Variants in ENTREP1 observed in about 807,000 individuals in gnomAD.
ENTREP1 encodes the protein Friedreich ataxia region gene X123.
chr9:69,356,501 TG>T, the ENTREP1 span, among the ~76,000 whole-genome samples: 4 of 152,110 alleles, frequency 2.6e-5, no homozygotes, highest in African/African-American at 9.7e-5. Flanking sequence ...AGTCATGATC[TG>T]ATTCTTTAAC....
At chr9:69,338,872 C>T in the ENTREP1 span, among the ~76,000 whole-genome samples, 1 of 152,012 alleles carries the variant, frequency 6.6e-6, no homozygotes, top group African/African-American at 2.4e-5. Flanking sequence ...CTTAGAAGGT[C>T]GCATAGAGAT....
chr9:69,371,363 C>A, the ENTREP1 span: 2 of 779,932 alleles, frequency 2.6e-6, no homozygotes, highest in Non-Finnish European at 4.6e-6. Flanking sequence ...AAAGTTTGTA[C>A]ATTGAAAACA....
At chr9:69,350,234 T>C in the ENTREP1 span, among the ~76,000 whole-genome samples, 3 of 152,232 alleles carry the variant, frequency 2.0e-5, no homozygotes, top group Non-Finnish European at 4.4e-5. Context: ...TCTTTCATTT[T>C]TTTGAGTTAA....
the ENTREP1 span, among the ~76,000 whole-genome samples, chr9:69,367,019 C>A: frequency 6.6e-6 from 1 of 151,904 alleles, no homozygotes; most frequent in African/African-American, 2.4e-5. Flanking sequence ...CAGGCTCAAG[C>A]AATACTCCCA....
chr9:69,391,846 C>G, the ENTREP1 span: 5 of 1,516,024 alleles, frequency 3.3e-6, no homozygotes, highest in South Asian at 4.8e-5. Context: ...AAGGATCCCT[C>G]TCCTCTCTGC....
the ENTREP1 span, chr9:69,391,757 G>A: frequency 6.2e-7 from 1 of 1,613,306 alleles, no homozygotes; most frequent in Non-Finnish European, 8.5e-7. Flanking sequence ...AGTGGAGGCT[G>A]AGCGGCCACA....
the ENTREP1 span, chr9:69,377,670 T>A: frequency 6.2e-7 from 1 of 1,614,148 alleles, no homozygotes; most frequent in East Asian, 2.2e-5. Flanking sequence ...CCGACCCTGA[T>A]GATTTTGTGC....
At chr9:69,325,732 C>A in the ENTREP1 span, 18 of 1,213,714 alleles carry the variant, frequency 1.5e-5, no homozygotes, top group South Asian at 4.1e-5. Context: ...CGGTGAGTAC[C>A]GCGCGCGCGC....
At chr9:69,356,455 G>A in the ENTREP1 span, among the ~76,000 whole-genome samples, 1 of 149,154 alleles carries the variant, frequency 6.7e-6, no homozygotes, top group Non-Finnish European at 1.5e-5. Context: ...CTGGTTTGCA[G>A]ATTCTTCTTA....
chr9:69,387,919 G>A, the ENTREP1 span: 1 of 1,461,818 alleles, frequency 6.8e-7, no homozygotes, highest in South Asian at 1.3e-5. Flanking sequence ...TTTACCTTGG[G>A]GGTGGTGTCG....
At chr9:69,376,131 T>C in the ENTREP1 span, among the ~76,000 whole-genome samples, 2 of 152,356 alleles carry the variant, frequency 1.3e-5, no homozygotes, top group African/African-American at 2.4e-5. Context: ...TATATGTATA[T>C]GTATACACAT....
chr9:69,331,393 G>A, the ENTREP1 span, among the ~76,000 whole-genome samples: 1 of 152,068 alleles, frequency 6.6e-6, no homozygotes, highest in Admixed American at 6.6e-5. Flanking sequence ...CATTTATGGT[G>A]GGTAACAATG....
the ENTREP1 span, among the ~76,000 whole-genome samples, chr9:69,360,394 C>G: frequency 2.0e-5 from 3 of 152,116 alleles, no homozygotes; most frequent in South Asian, 6.2e-4. Flanking sequence ...GTCCCTTTCT[C>G]AATAAAGTTA....
At chr9:69,357,586 T>G in the ENTREP1 span, among the ~76,000 whole-genome samples, 21,410 of 152,084 alleles carry the variant, frequency 0.14, 2,802 homozygotes, top group African/African-American at 0.35. Flanking sequence ...GGCAGAAGTT[T>G]AAAGCATGTC....
At chr9:69,392,247 C>CT in the ENTREP1 span, 1,196 of 190,440 alleles carry the variant, frequency 6.3e-3, 5 homozygotes, top group Non-Finnish European at 9.7e-3. Flanking sequence ...GGAAATAAGG[C>CT]GATTAACCCT....
the ENTREP1 span, chr9:69,381,727 C>T: frequency 6.6e-6 from 1 of 152,224 alleles, no homozygotes; most frequent in African/African-American, 2.4e-5. Context: ...CCCTTGTTAA[C>T]ACAAATGAGG....
At chr9:69,354,941 T>G in the ENTREP1 span, among the ~76,000 whole-genome samples, 1 of 152,234 alleles carries the variant, frequency 6.6e-6, no homozygotes, top group Non-Finnish European at 1.5e-5. Flanking sequence ...CTTTGAGATA[T>G]TAGATTGGTA....
chr9:69,346,046 G>T, the ENTREP1 span, among the ~76,000 whole-genome samples: 1 of 151,412 alleles, frequency 6.6e-6, no homozygotes, highest in African/African-American at 2.4e-5. Context: ...CAGTGGTGGC[G>T]ATCTTGGCTT....
chr9:69,383,353 T>A, the ENTREP1 span: 1 of 1,191,594 alleles, frequency 8.4e-7, no homozygotes, highest in South Asian at 2.2e-5. Context: ...CAGCCACTAA[T>A]CTGCTCTGTG....
Sources: gnomAD v4.1 joint callset for allele counts (sites outside exome capture counted in the v4.1 genomes callset) on GRCh38, gnomAD v4.1.1 for gene constraint, MANE v1.5 for transcripts, NCBI Gene and HGNC (gene_info 2026-07-23, HGNC 2026-07-21) for gene names.